PHF21B: variants seen among roughly 807,000 people sequenced by gnomAD.
PHF21B encodes PHD finger protein 4.
In PHF21B, 22 loss-of-function variants were observed where a neutral mutation model predicts 62.2. That is an observed-to-expected ratio of 0.35 (90% CI 0.25 to 0.51). PHF21B has a LOEUF of 0.51. Ranked by LOEUF, PHF21B falls within the 20% of genes least tolerant of loss-of-function variation. The pLI, the probability that PHF21B is intolerant of heterozygous loss-of-function variation, is 0.97. For missense variants in PHF21B, 701 were observed against 707.9 expected, an observed-to-expected ratio of 0.99 and a Z score of 0.11; for synonymous variants, 341 against 314.7, an observed-to-expected ratio of 1.08 and a Z score of -0.88.
rs572625234 is a variant in PHF21B at position 44,913,697 on chromosome 22, G to A, written c.831+125C>T. 27 of 1,363,176 alleles carry A rather than the reference G, an allele frequency of 2.0e-5. No homozygotes were observed. The South Asian group carries it at 3.8e-4, about 19-fold the overall frequency. 84.4% of individuals were successfully genotyped at this position (1,363,176 alleles called of 1,614,324 possible). On this transcript the variant is annotated intron_variant, in intron 5 of 12. Transcript: ENST00000313237. ...CCCCATCCTGGTCGCCGACTGCACAGGGCAGCTGTGCCCACGGCTTGTCGG... is the reference window on the plus strand; with the variant it reads ...CCCCATCCTGGTCGCCGACTGCACAAGGCAGCTGTGCCCACGGCTTGTCGG...
At chr22:44,937,600 A>T (rs940138512) in intron 2 of PHF21B, among the ~76,000 whole-genome samples, 3 of 152,258 alleles carry the variant, frequency 2.0e-5, no homozygotes, top group African/African-American at 7.2e-5. Flanking sequence ...AGAGAAATGA[A>T]AACCTGTATC....
intron 2 of PHF21B, among the ~76,000 whole-genome samples, chr22:44,928,673 G>C (rs2071681361): frequency 6.6e-6 from 1 of 152,224 alleles, no homozygotes. Context: ...GCCTCCCAAA[G>C]TGCTGGGATT....
intron 5 of PHF21B, among the ~76,000 whole-genome samples, chr22:44,911,049 G>C (rs775150897): frequency 6.6e-6 from 1 of 152,208 alleles, no homozygotes; most frequent in African/African-American, 2.4e-5. Context: ...TTATGTTTTA[G>C]CAAAGAGACT....
At chr22:44,975,069 C>T (rs2072711653) in intron 2 of PHF21B, among the ~76,000 whole-genome samples, 1 of 152,212 alleles carries the variant, frequency 6.6e-6, no homozygotes, top group Non-Finnish European at 1.5e-5. Context: ...GCTGACCCCA[C>T]CTTCTCCTCT....
At chr22:44,892,056 C>T (rs1379070334) in intron 7 of PHF21B, among the ~76,000 whole-genome samples, 4 of 152,190 alleles carry the variant, frequency 2.6e-5, no homozygotes, top group South Asian at 4.1e-4. Flanking sequence ...CTGCTTATGC[C>T]GTCTCTGGCC....
At chr22:44,902,066 C>A in intron 5 of PHF21B, 1 of 226,326 alleles carries the variant, frequency 4.4e-6, no homozygotes. Flanking sequence ...GGCGGTTCTC[C>A]TGAAGAGCTG....
chr22:44,890,623 G>A (rs117577380), intron 8 of PHF21B, among the ~76,000 whole-genome samples: 102 of 152,360 alleles, frequency 6.7e-4, no homozygotes, highest in Middle Eastern at 3.4e-3. Flanking sequence ...TTTCCTGCTC[G>A]TGGGACTATG....
intron 2 of PHF21B, among the ~76,000 whole-genome samples, chr22:44,940,016 T>C (rs963593739): frequency 3.3e-5 from 5 of 152,074 alleles, no homozygotes; most frequent in African/African-American, 7.2e-5. Context: ...ATCCTCAAAA[T>C]ACAGCCAGGG....
In PHF21B at chr22:44,941,107, G is replaced by A. The variant is rs375968800; in HGVS notation, c.121-20617C>T. ...GATGTCATGGACTCAGGAATGCTGC[G>A]CGTGCTCACAATGACCATTCCCTTA... On this transcript the variant is annotated intron_variant, in intron 2 of 12. Coordinates refer to ENST00000313237, the MANE Select transcript of PHF21B (RefSeq NM_138415.5). Among the ~76,000 whole-genome samples the A allele has an allele frequency of 1.1e-4, 17 of 152,298 alleles. No homozygotes were observed. The South Asian group carries it at 2.3e-3, about 20-fold the overall frequency.
intron 2 of PHF21B, among the ~76,000 whole-genome samples, chr22:44,941,637 T>A (rs1418807427): frequency 6.6e-6 from 1 of 152,060 alleles, no homozygotes. Context: ...AGCAGGGGGA[T>A]GGGGCAGGGG....
intron 3 of PHF21B, among the ~76,000 whole-genome samples, chr22:44,918,577 C>T (rs764186506): frequency 1.3e-5 from 2 of 152,240 alleles, no homozygotes; most frequent in Non-Finnish European, 2.9e-5. Flanking sequence ...AGTCACCCTG[C>T]CAGGCTGGCC....
intron 2 of PHF21B, among the ~76,000 whole-genome samples, chr22:44,997,021 T>C (rs2073134946): frequency 6.6e-6 from 1 of 152,184 alleles, no homozygotes; most frequent in East Asian, 1.9e-4. Flanking sequence ...ATGTTTCTCA[T>C]CGATTACCTG....
intron 2 of PHF21B, chr22:44,989,105 G>A (rs1334744785): frequency 6.6e-6 from 1 of 152,230 alleles, no homozygotes; most frequent in African/African-American, 2.4e-5. Flanking sequence ...ACAGCGTTCA[G>A]GCCTTGGCTA....
chr22:44,975,726 AGTGCTGTCCGTG>A (rs2072725742), intron 2 of PHF21B, among the ~76,000 whole-genome samples: 1 of 152,226 alleles, frequency 6.6e-6, no homozygotes, highest in South Asian at 2.1e-4. Flanking sequence ...GGCTGCCCTG[AGTGCTGTCCGTG>A]GTGCTGAACC....
At position 45,008,595 on chromosome 22, in the gene PHF21B, T is replaced by G. The variant is rs778709268; in HGVS notation, c.70A>C (p.Lys24Gln). Residue 24 changes from lysine to glutamine, a missense_variant, in exon 2 of 13, where the codon AAG becomes CAG. Coordinates refer to ENST00000313237, the MANE Select transcript of PHF21B (RefSeq NM_138415.5). ...CGCGGCTGCCTTTCGTGGAGCTGCTTCTTGAGGTCGCCGTTCTGCGGAAAC... is the reference window on the plus strand; with the variant it reads ...CGCGGCTGCCTTTCGTGGAGCTGCTGCTTGAGGTCGCCGTTCTGCGGAAAC... ...LARHQNGDLKKQLHERQPRIA... is the reference protein window; with the variant it reads ...LARHQNGDLKQQLHERQPRIA... The G allele has an allele frequency of 2.2e-5, 35 of 1,589,572 alleles. No homozygotes were observed. In the South Asian group the frequency reaches 3.0e-4, roughly 14 times the overall value.
chr22:44,897,528 C>T (rs2071082505), intron 5 of PHF21B, among the ~76,000 whole-genome samples: 1 of 152,148 alleles, frequency 6.6e-6, no homozygotes, highest in Non-Finnish European at 1.5e-5. Flanking sequence ...AGAACAACTC[C>T]TGGAGCCTCA....
In PHF21B at chr22:44,939,502, G is replaced by T. The variant is rs150815174; in HGVS notation, c.121-19012C>A. Among the ~76,000 whole-genome samples the T allele has an allele frequency of 2.7e-3, 417 of 152,352 alleles. 2 individuals carry two copies. Among genetic ancestry groups the T allele is most frequent in the African/African-American group, 9.4e-3 (392 of 41,574 alleles). ...TGGACCTCCCACGAGCTTCCCAGGTGGGGGCGGCAGAGGGGGCTCAACGCA... is the reference window on the plus strand; with the variant it reads ...TGGACCTCCCACGAGCTTCCCAGGTTGGGGCGGCAGAGGGGGCTCAACGCA... On this transcript the variant is annotated intron_variant, in intron 2 of 12. Transcript: ENST00000313237.
At chr22:44,898,271 T>C (rs2071094029) in intron 5 of PHF21B, among the ~76,000 whole-genome samples, 1 of 152,184 alleles carries the variant, frequency 6.6e-6, no homozygotes, top group African/African-American at 2.4e-5. Context: ...GGGATTTGTC[T>C]GATATTTTCC....
intron 12 of PHF21B, among the ~76,000 whole-genome samples, chr22:44,884,532 A>G (rs927730203): frequency 1.6e-4 from 24 of 147,888 alleles, no homozygotes; most frequent in African/African-American, 5.2e-4. Context: ...GATCAGCACC[A>G]TCATCACCAC....
Sources: gnomAD v4.1 joint callset for allele counts (sites outside exome capture counted in the v4.1 genomes callset) on GRCh38, gnomAD v4.1.1 for gene constraint, MANE v1.5 for transcripts, NCBI Gene and HGNC (gene_info 2026-07-23, HGNC 2026-07-21) for gene names.